CLRN1: variants seen among roughly 807,000 people sequenced by gnomAD.
CLRN1 encodes clarin-1.
In CLRN1, 15 loss-of-function variants were observed where a neutral mutation model predicts 18.7. The observed-to-expected ratio is 0.80, with a 90% CI of 0.54 to 1.23. CLRN1 has a LOEUF of 1.23. Among genes scored for constraint, CLRN1 ranks in the 50% most tolerant of loss-of-function variants. CLRN1 has a pLI of 0.00. For missense variants in CLRN1, 311 were observed against 277.5 expected (o/e 1.12, Z -0.86); for synonymous variants, 104 against 102.9 (o/e 1.01, Z -0.07).
At chr3:150,943,483 C>A (rs11717688) in intron 1 of CLRN1, among the ~76,000 whole-genome samples, 9 of 152,156 alleles carry the variant, frequency 5.9e-5, no homozygotes, top group Admixed American at 1.3e-4. Flanking sequence ...TGTGACTTGA[C>A]TTCAGGGGAG....
At chr3:150,934,089 G>A (rs962860726) in intron 2 of CLRN1, among the ~76,000 whole-genome samples, 22 of 152,100 alleles carry the variant, frequency 1.4e-4, no homozygotes, top group African/African-American at 4.8e-4. Context: ...AAGGATTGGC[G>A]TAGAGATAAG....
intron 1 of CLRN1, chr3:150,942,601 A>G (rs1269090653): frequency 2.2e-6 from 1 of 455,798 alleles, no homozygotes; most frequent in Non-Finnish European, 4.4e-6. Context: ...CCATAAAACA[A>G]GATGGACAAG....
intron 2 of CLRN1, among the ~76,000 whole-genome samples, chr3:150,937,690 T>C (rs541558875): frequency 6.6e-6 from 1 of 152,302 alleles, no homozygotes; most frequent in East Asian, 1.9e-4. Flanking sequence ...TGCATGGGTT[T>C]CATGCAACAA....
At chr3:150,950,820 C>T (rs989350301) in intron 1 of CLRN1, among the ~76,000 whole-genome samples, 1 of 152,120 alleles carries the variant, frequency 6.6e-6, no homozygotes, top group Non-Finnish European at 1.5e-5. Context: ...AGAAATCATT[C>T]TACTATAAAG....
intron 1 of CLRN1, among the ~76,000 whole-genome samples, chr3:150,959,244 C>CT (rs909012688): frequency 6.7e-6 from 1 of 150,368 alleles, no homozygotes; most frequent in African/African-American, 2.4e-5. Flanking sequence ...ACTCAATAAT[C>CT]TTTTTAGGGG....
chr3:150,969,906 G>C (rs1347471451), intron 1 of CLRN1, among the ~76,000 whole-genome samples: 2 of 152,088 alleles, frequency 1.3e-5, no homozygotes, highest in Non-Finnish European at 2.9e-5. Flanking sequence ...AACCCAGGAG[G>C]GGTAGTTGCA....
intron 2 of CLRN1, 55 bp downstream of exon 2, chr3:150,941,526 TC>T: frequency 6.5e-7 from 1 of 1,532,430 alleles, no homozygotes; most frequent in South Asian, 1.1e-5. Context: ...AGGTAGACGG[TC>T]TTTTTGACAT....
chr3:150,927,256 A>G lies in CLRN1; in HGVS notation c.*680T>C, dbSNP rs1712851583. ...ACCAACAGACATGGTTAATAAGACTATGCTTTTTTAAAGCCTATATTTTAT... is the reference window on the plus strand; with the variant it reads ...ACCAACAGACATGGTTAATAAGACTGTGCTTTTTTAAAGCCTATATTTTAT... On this transcript the variant is annotated 3_prime_UTR_variant, in exon 3 of 3. Transcript: ENST00000327047. 2.2e-6 allele frequency: 1 copy of G among 459,346 alleles called. No individual in the cohort carries two copies. The highest frequency in any genetic ancestry group is 2.0e-5 in the African/African-American group (1 of 50,150). The allele number at this position is 459,346 out of a possible 1,614,324, so 28.5% of individuals were successfully genotyped here.
At chr3:150,937,151 A>C (rs1394796499) in intron 2 of CLRN1, among the ~76,000 whole-genome samples, 2 of 152,188 alleles carry the variant, frequency 1.3e-5, no homozygotes, top group Non-Finnish European at 2.9e-5. Context: ...GGTGAAAGGC[A>C]ATACTATTGT....
chr3:150,952,113 C>T (rs1576638714), intron 1 of CLRN1, among the ~76,000 whole-genome samples: 1 of 152,180 alleles, frequency 6.6e-6, no homozygotes, highest in African/African-American at 2.4e-5. Context: ...CATCTTCCGG[C>T]AGCATAGCAG....
chr3:150,946,528 G>A (rs1177498545), intron 1 of CLRN1, among the ~76,000 whole-genome samples: 1 of 150,330 alleles, frequency 6.7e-6, no homozygotes, highest in Non-Finnish European at 1.5e-5. Context: ...TTTTCTGCAA[G>A]CATTGTCTAT....
chr3:150,931,947 C>A (rs1260463919), intron 2 of CLRN1, among the ~76,000 whole-genome samples: 1 of 152,200 alleles, frequency 6.6e-6, no homozygotes, highest in East Asian at 1.9e-4. Context: ...TATAACCAGG[C>A]ACAAGGCCCA....
chr3:150,936,869 G>C (rs545351214), intron 2 of CLRN1, among the ~76,000 whole-genome samples: 1 of 152,140 alleles, frequency 6.6e-6, no homozygotes, highest in Non-Finnish European at 1.5e-5. Context: ...TCTTTCCCTA[G>C]AGTCTTCAGT....
At chr3:150,933,191 C>T (rs889544384) in intron 2 of CLRN1, among the ~76,000 whole-genome samples, 13 of 152,242 alleles carry the variant, frequency 8.5e-5, no homozygotes, top group East Asian at 1.9e-4. Context: ...GTGCCTGTTG[C>T]GCTGTTGTGG....
chr3:150,944,446 C>T (rs1226168526), intron 1 of CLRN1, among the ~76,000 whole-genome samples: 4 of 151,740 alleles, frequency 2.6e-5, no homozygotes, highest in Non-Finnish European at 5.9e-5. Flanking sequence ...GAACAAATGT[C>T]CAGAGATCTA....
At position 150,945,724 on chromosome 3, in the gene CLRN1, T is replaced by C. The variant is rs569672563; in HGVS notation, c.254-3963A>G. 27 of 997,224 alleles carry C rather than the reference T, an allele frequency of 2.7e-5. No individual in the cohort carries two copies. The East Asian group carries it at 1.6e-3, about 60-fold the overall frequency. The allele number at this position is 997,224 out of a possible 1,614,324, so 61.8% of individuals were successfully genotyped here. A position where few individuals can be genotyped will look rare whatever the true frequency, so the allele number is the denominator to read the frequency against. The stretch of plus-strand genomic sequence containing the variant: ...TGCACATTAAAACTTTGAGATACCA[T>C]TTTCAATACATCATGTTTACAAAGA... On this transcript the variant is annotated intron_variant, in intron 1 of 2. Transcript: ENST00000327047.
intron 1 of CLRN1, chr3:150,943,807 C>A: frequency 6.2e-7 from 1 of 1,614,130 alleles, no homozygotes. Context: ...CCTGGGGTTG[C>A]AGGCACCCCT....
In CLRN1 at chr3:150,930,923, A is replaced by C. The variant is rs562182614; in HGVS notation, c.434-2722T>G. ...GACTCAAAGCCTTTTGCCATAGCTA[A>C]TATTTCAAGCACACAGCCCCCAAAA... is the stretch of plus-strand genomic sequence containing the variant. On this transcript the variant is annotated intron_variant, in intron 2 of 2. Coordinates refer to ENST00000327047, the MANE Select transcript of CLRN1 (RefSeq NM_174878.3). Among the ~76,000 whole-genome samples the C allele has an allele frequency of 5.3e-5, 8 of 152,342 alleles. No individual in the cohort carries two copies. In the East Asian group the frequency reaches 1.5e-3, roughly 29 times the overall value.
chr3:150,957,827 T>C (rs1349759827), intron 1 of CLRN1, among the ~76,000 whole-genome samples: 6 of 152,064 alleles, frequency 3.9e-5, no homozygotes, highest in African/African-American at 1.4e-4. Context: ...CGGCTAATTT[T>C]TGTGTTTTTT....
Sources: gnomAD v4.1 joint callset for allele counts (sites outside exome capture counted in the v4.1 genomes callset) on GRCh38, gnomAD v4.1.1 for gene constraint, MANE v1.5 for transcripts, NCBI Gene and HGNC (gene_info 2026-07-23, HGNC 2026-07-21) for gene names.